The following UNC13B variants were observed in gnomAD, a reference collection of about 807,000 sequenced individuals.
The protein encoded by UNC13B is protein unc-13 homolog B.
A neutral mutation model predicts 211.0 loss-of-function variants in UNC13B; 144 were observed. That is an observed-to-expected ratio of 0.68 (90% CI 0.60 to 0.78). UNC13B has a LOEUF of 0.78. UNC13B is among the 30% of genes least tolerant of loss of function. The pLI is 0.00. For synonymous variants in UNC13B, 709 were observed against 725.8 expected (o/e 0.98, Z 0.37); for missense variants, 1,777 against 2,002.0 (o/e 0.89, Z 2.14).
intron 11 of UNC13B, among the ~76,000 whole-genome samples, chr9:35,340,982 A>G (rs1831957798): frequency 6.6e-6 from 1 of 152,178 alleles, no homozygotes; most frequent in Non-Finnish European, 1.5e-5. Flanking sequence ...AGTCCTAACT[A>G]GAATTGTTGA....
At chr9:35,386,918 G>A (rs1203733397) in intron 24 of UNC13B, among the ~76,000 whole-genome samples, 1 of 152,156 alleles carries the variant, frequency 6.6e-6, no homozygotes, top group Non-Finnish European at 1.5e-5. Flanking sequence ...CAACTTATTT[G>A]AAAGCCAGAA....
At chr9:35,376,479 T>A (rs1017664483) in intron 15 of UNC13B, among the ~76,000 whole-genome samples, 8 of 152,342 alleles carry the variant, frequency 5.3e-5, no homozygotes, top group Non-Finnish European at 1.2e-4. Flanking sequence ...TTGAGCTTTC[T>A]GTGGTAGTGT....
chr9:35,232,325 C>T (rs2131510705), intron 3 of UNC13B, among the ~76,000 whole-genome samples: 1 of 151,290 alleles, frequency 6.6e-6, no homozygotes, highest in South Asian at 2.1e-4. Context: ...AAACTACAAG[C>T]ATGTACCATC....
At chr9:35,203,831 C>T (rs1157231161) in intron 1 of UNC13B, among the ~76,000 whole-genome samples, 2 of 152,258 alleles carry the variant, frequency 1.3e-5, no homozygotes, top group Non-Finnish European at 2.9e-5. Context: ...AAAGAAAAAC[C>T]CCATTTTCAG....
chr9:35,259,392 C>T (rs1397832158), intron 7 of UNC13B, among the ~76,000 whole-genome samples: 1 of 152,044 alleles, frequency 6.6e-6, no homozygotes, highest in Non-Finnish European at 1.5e-5. Context: ...AATCTTTGTG[C>T]TGTTTTCTCC....
chr9:35,404,022 G>C lies in UNC13B; in HGVS notation c.13012G>C (p.Glu4338Gln), dbSNP rs1836525507. Residue 4338 changes from glutamate to glutamine, a missense_variant, in exon 40 of 40, where the codon GAG (glutamate) becomes CAG (glutamine). By Grantham distance (29) the Glu-to-Gln change is conservative. Coordinates refer to ENST00000635942, the MANE Select transcript of UNC13B (RefSeq NM_001371189.2). ...KLKSESRSTE[E>Q]GS ...CAAATCAGAGTCTCGTTCCACGGAG[G>C]AGGGGAGCTGAACACCTTCGACTCC... The C allele has an allele frequency of 6.2e-7, 1 of 1,612,948 alleles. No homozygotes were observed. Among genetic ancestry groups the C allele is most frequent in the Non-Finnish European group, 8.5e-7 (1 of 1,179,752 alleles).
intron 1 of UNC13B, among the ~76,000 whole-genome samples, chr9:35,198,613 C>G (rs1564061929): frequency 6.6e-6 from 1 of 151,998 alleles, no homozygotes; most frequent in Non-Finnish European, 1.5e-5. Flanking sequence ...GGGTAATGGG[C>G]AGAGGTTGGA....
At chr9:35,245,018 C>G (rs906429354) in intron 6 of UNC13B, among the ~76,000 whole-genome samples, 3 of 152,162 alleles carry the variant, frequency 2.0e-5, no homozygotes, top group African/African-American at 7.2e-5. Flanking sequence ...CTCCAGTCCT[C>G]TTTCTCCACT....
At chr9:35,255,993 G>C (rs1335922162) in intron 6 of UNC13B, among the ~76,000 whole-genome samples, 1 of 152,132 alleles carries the variant, frequency 6.6e-6, no homozygotes, top group Non-Finnish European at 1.5e-5. Context: ...ACAGCTTAAT[G>C]GTTAGAAGCA....
intron 31 of UNC13B, 81 bp downstream of exon 31, chr9:35,398,369 C>T: frequency 6.7e-7 from 1 of 1,501,596 alleles, no homozygotes; most frequent in African/African-American, 1.4e-5. Flanking sequence ...CCTCTCTTAA[C>T]TAGGTGTAGG....
At chr9:35,179,542 G>T (rs907434740) in intron 1 of UNC13B, among the ~76,000 whole-genome samples, 4 of 152,134 alleles carry the variant, frequency 2.6e-5, no homozygotes, top group African/African-American at 9.7e-5. Flanking sequence ...TGTAATCCCA[G>T]CACTTTGGAA....
Position 35,306,195 on chromosome 9 carries a change from C to A in UNC13B, c.6791C>A (p.Ser2264Tyr). The change falls in exon 9 of 40, where the codon TCC becomes TAC. Residue 2264 changes from serine to tyrosine, a missense_variant. Coordinates refer to ENST00000635942, the MANE Select transcript of UNC13B (RefSeq NM_001371189.2). ...GGTAGCACAATGACCAGAGAAAGTTCCAGTGGTCATAGAGATAGCATAGCC... is the reference window on the plus strand; with the variant it reads ...GGTAGCACAATGACCAGAGAAAGTTACAGTGGTCATAGAGATAGCATAGCC... ...ESGSTMTRES[S>Y]SGHRDSIAQE... 1 of 399,018 alleles carries A rather than the reference C, an allele frequency of 2.5e-6. No individual in the cohort carries two copies. The highest frequency in any genetic ancestry group is 4.4e-6 in the Non-Finnish European group (1 of 226,058). The allele number at this position is 399,018 out of a possible 1,614,324, so 24.7% of individuals were successfully genotyped here.
At chr9:35,253,440 A>G (rs1465522389) in intron 6 of UNC13B, among the ~76,000 whole-genome samples, 1 of 148,472 alleles carries the variant, frequency 6.7e-6, no homozygotes, top group African/African-American at 2.4e-5. Context: ...CTCTTTTTCT[A>G]TTTTTATCAT....
intron 7 of UNC13B, among the ~76,000 whole-genome samples, chr9:35,263,250 C>G (rs1219710129): frequency 1.3e-5 from 2 of 150,748 alleles, no homozygotes; most frequent in Non-Finnish European, 3.0e-5. Flanking sequence ...AATAGTTAAA[C>G]AGCAGTAAAA....
intron 11 of UNC13B, chr9:35,361,098 TC>T (rs1227575903): frequency 1.3e-5 from 2 of 152,170 alleles, no homozygotes; most frequent in African/African-American, 4.8e-5. Context: ...ACGTCTCAAG[TC>T]TTTTGACTCT....
chr9:35,310,950 A>G (rs764908716), intron 10 of UNC13B, among the ~76,000 whole-genome samples, 169 bp downstream of exon 10: 4 of 152,084 alleles, frequency 2.6e-5, no homozygotes, highest in Non-Finnish European at 5.9e-5. Context: ...TGCACTTTCC[A>G]AGACATTTTG....
At chr9:35,175,671 AGCAAGTGTAG>A (rs1333269232) in intron 1 of UNC13B, among the ~76,000 whole-genome samples, 3 of 152,170 alleles carry the variant, frequency 2.0e-5, no homozygotes, top group Non-Finnish European at 4.4e-5. Flanking sequence ...AAGTGGAATG[AGCAAGTGTAG>A]GCTACACATT....
rs549153794 is a variant in UNC13B, at chr9:35,234,045, T to G, written c.153-2424T>G. Among the ~76,000 whole-genome samples the G allele has an allele frequency of 8.5e-5, 13 of 152,352 alleles. No homozygotes were observed. The South Asian group carries it at 2.5e-3, about 29-fold the overall frequency. On this transcript the variant is annotated intron_variant, in intron 3 of 39. Coordinates refer to ENST00000635942, the MANE Select transcript of UNC13B (RefSeq NM_001371189.2). ...GTTGAAGACCTCTGGCTATTTCTTC[T>G]GTCTGTTGGCTTGAGATGCTATTTG... is the stretch of plus-strand genomic sequence containing the variant.
chr9:35,343,496 G>A (rs1449139868), intron 11 of UNC13B, among the ~76,000 whole-genome samples: 1 of 152,184 alleles, frequency 6.6e-6, no homozygotes, highest in Non-Finnish European at 1.5e-5. Flanking sequence ...AAAGGGTCAG[G>A]TGGAGAGGGA....
Sources: allele counts gnomAD v4.1 joint callset (sites outside exome capture counted in the v4.1 genomes callset), GRCh38; gene constraint gnomAD v4.1.1; transcripts MANE v1.5; gene names NCBI Gene and HGNC (gene_info 2026-07-23, HGNC 2026-07-21).